Variants in CECR2 observed in about 807,000 individuals in gnomAD.
CECR2 encodes the protein chromatin remodeling regulator CECR2.
CECR2 carries 30 observed loss-of-function variants against 154.5 expected under a neutral mutation model. The ratio of observed to expected loss-of-function variants is 0.19; its 90% CI spans 0.15 to 0.26. CECR2 has a LOEUF of 0.26. Among genes scored for constraint, CECR2 ranks in the 10% least tolerant of loss-of-function variants. The pLI is 1.00. For synonymous variants in CECR2, 725 were observed against 683.7 expected (o/e 1.06, Z -0.94); for missense variants, 1,743 against 1,829.3 (o/e 0.95, Z 0.86).
At chr22:17,505,108 A>G in intron 7 of CECR2, 92 bp downstream of exon 7, 1 of 1,245,704 alleles carries the variant, frequency 8.0e-7, no homozygotes, top group Non-Finnish European at 1.1e-6. Context: ...CATACACCCC[A>G]CTGTCCTGGA....
intron 1 of CECR2, among the ~76,000 whole-genome samples, chr22:17,444,080 C>A (rs1332741954): frequency 1.3e-5 from 2 of 152,184 alleles, no homozygotes; most frequent in African/African-American, 4.8e-5. Context: ...GCTGGTCGGA[C>A]TGGCAGTGCA....
chr22:17,392,757 G>A (rs1307488983), intron 1 of CECR2, among the ~76,000 whole-genome samples: 7 of 151,858 alleles, frequency 4.6e-5, no homozygotes, highest in Non-Finnish European at 8.8e-5. Context: ...TGTTCAACAA[G>A]TAGGCCGGGC....
At chr22:17,482,252 G>A (rs975732895) in intron 2 of CECR2, among the ~76,000 whole-genome samples, 2 of 146,972 alleles carry the variant, frequency 1.4e-5, no homozygotes, top group African/African-American at 2.5e-5. Context: ...GTGAAACCCC[G>A]TCTCTACTAA....
chr22:17,492,586 A>T (rs542520784), intron 2 of CECR2, among the ~76,000 whole-genome samples: 3 of 152,244 alleles, frequency 2.0e-5, no homozygotes, highest in Admixed American at 1.3e-4. Flanking sequence ...TTTCACTCAT[A>T]GAGGGAAAAA....
At chr22:17,451,311 G>A (rs989405948) in intron 1 of CECR2, among the ~76,000 whole-genome samples, 3 of 152,170 alleles carry the variant, frequency 2.0e-5, no homozygotes, top group African/African-American at 7.2e-5. Flanking sequence ...TGGTTTGTCA[G>A]GAATTCTTTT....
chr22:17,520,030 C>T (rs746029500), intron 8 of CECR2, among the ~76,000 whole-genome samples: 1 of 152,094 alleles, frequency 6.6e-6, no homozygotes, highest in Non-Finnish European at 1.5e-5. Flanking sequence ...ACCTCATGAT[C>T]CACCCACCTT....
intron 16 of CECR2, 140 bp downstream of exon 16, chr22:17,543,143 G>GT: frequency 4.7e-6 from 5 of 1,064,094 alleles, no homozygotes; most frequent in Non-Finnish European, 5.3e-6. Context: ...GTTCTGTTTT[G>GT]TTTTTTTGAG....
At chr22:17,506,237 C>T (rs1217003181) in intron 7 of CECR2, among the ~76,000 whole-genome samples, 2 of 152,064 alleles carry the variant, frequency 1.3e-5, no homozygotes, top group South Asian at 2.1e-4. Flanking sequence ...TCTCCCAGGC[C>T]GAAGTGATCC....
intron 9 of CECR2, among the ~76,000 whole-genome samples, chr22:17,532,664 TAAGAAATTCACC>T (rs968314397): frequency 6.8e-6 from 1 of 146,170 alleles, no homozygotes; most frequent in Admixed American, 6.9e-5. Context: ...CTATTATAGC[TAAGAAATTCACC>T]AAGTAGGTAT....
chr22:17,407,509 C>T lies in CECR2; in HGVS notation c.126+37600C>T, dbSNP rs111720827. Among the ~76,000 whole-genome samples, 23 of 151,984 alleles carry T rather than the reference C, an allele frequency of 1.5e-4. 2 individuals carry two copies. The highest frequency in any genetic ancestry group is 5.1e-4 in the African/African-American group (21 of 41,468). ...ACTGGGGAGGCTGAGGCATGAGAAT[C>T]GCTTGAACCTGGGAGGCGGAGATTG... On this transcript the variant is annotated intron_variant, in intron 1 of 18. Transcript: ENST00000262608.
In CECR2 at chr22:17,555,564, G is replaced by A. The variant is rs1435817332; in HGVS notation, c.*2724G>A. On this transcript the variant is annotated 3_prime_UTR_variant, in exon 19 of 19. Coordinates refer to ENST00000262608, the MANE Select transcript of CECR2 (RefSeq NM_001290047.2). Reference sequence around the variant, plus strand: ...CCCTAGCCCACCCATCCCCAAGCAGGATCTTCTTCTCACCTTTTCTTCCTC... The same window carrying A: ...CCCTAGCCCACCCATCCCCAAGCAGAATCTTCTTCTCACCTTTTCTTCCTC... The A allele has an allele frequency of 1.3e-5, 2 of 152,204 alleles. No individual in the cohort carries two copies. The highest frequency in any genetic ancestry group is 2.9e-5 in the Non-Finnish European group (2 of 68,082). The allele number at this position is 152,204 out of a possible 1,614,324, so 9.4% of individuals were successfully genotyped here. A position where few individuals can be genotyped will look rare whatever the true frequency, so the allele number is the denominator to read the frequency against.
At position 17,499,469 on chromosome 22, in the gene CECR2, A is replaced by T. The variant is rs753135447; in HGVS notation, c.465A>T (p.Leu155=). Residue 155 remains leucine, a synonymous_variant, in exon 4 of 19, where the codon CTA becomes CTT. Coordinates refer to ENST00000262608, the MANE Select transcript of CECR2 (RefSeq NM_001290047.2). ...EPLGEDNSGA[L]YWYFYGTRMY... ...TGGGTGAAGACAATTCTGGGGCACTATATTGGTATTTCTATGGAACACGAA... is the reference window on the plus strand; with the variant it reads ...TGGGTGAAGACAATTCTGGGGCACTTTATTGGTATTTCTATGGAACACGAA... The T allele has an allele frequency of 6.2e-7, 1 of 1,613,798 alleles. No individual in the cohort carries two copies. Among genetic ancestry groups the T allele is most frequent in the Non-Finnish European group, 8.5e-7 (1 of 1,179,834 alleles).
intron 1 of CECR2, among the ~76,000 whole-genome samples, chr22:17,467,083 C>A (rs950201098): frequency 6.6e-6 from 1 of 152,234 alleles, no homozygotes. Context: ...GTCTTCCTTC[C>A]GCTGTCTAGA....
chr22:17,548,704 G>T lies in CECR2; in HGVS notation c.3417G>T (p.Leu1139=). 1.9e-6 allele frequency: 3 copies of T among 1,613,628 alleles called. No homozygotes were observed. Among genetic ancestry groups the T allele is most frequent in the Non-Finnish European group, 2.5e-6 (3 of 1,179,744 alleles). The change falls in exon 17 of 19, where the codon CTG becomes CTT. Residue 1139 remains leucine (L), a synonymous_variant. Transcript: ENST00000262608. ...SAAHYHISPG[L]QGVGPVMGGK... is the part of the protein sequence containing the mutation. ...CCCATTACCACATCAGTCCAGGCCT[G>T]CAGGGTGTGGGCCCTGTGATGGGAG... is the stretch of plus-strand genomic sequence containing the variant.
At chr22:17,512,365 A>G (rs2055972500) in intron 8 of CECR2, among the ~76,000 whole-genome samples, 1 of 152,092 alleles carries the variant, frequency 6.6e-6, no homozygotes, top group Non-Finnish European at 1.5e-5. Context: ...AGGAAATTAT[A>G]TAAATTTATA....
chr22:17,438,881 T>G (rs909940855), intron 1 of CECR2, among the ~76,000 whole-genome samples: 1 of 152,156 alleles, frequency 6.6e-6, no homozygotes, highest in Non-Finnish European at 1.5e-5. Context: ...TTTTCTTATA[T>G]TAATACTGTT....
In CECR2 at chr22:17,400,648, G is replaced by A. The variant is rs1402274622; in HGVS notation, c.126+30739G>A. On this transcript the variant is annotated intron_variant, in intron 1 of 18. Coordinates refer to ENST00000262608, the MANE Select transcript of CECR2 (RefSeq NM_001290047.2). Reference sequence around the variant, plus strand: ...AGACAGAAAGTCTGAGAAGGGCAGAGAAGAGGGAGGTCAGAGGGTTTGTTC... The same window carrying A: ...AGACAGAAAGTCTGAGAAGGGCAGAAAAGAGGGAGGTCAGAGGGTTTGTTC... Among the ~76,000 whole-genome samples, 4 of 152,228 alleles carry A rather than the reference G, an allele frequency of 2.6e-5. No individual in the cohort carries two copies. In the East Asian group the frequency reaches 5.8e-4, roughly 22 times the overall value.
intron 8 of CECR2, among the ~76,000 whole-genome samples, chr22:17,520,624 C>G (rs1345658468): frequency 6.6e-6 from 1 of 152,124 alleles, no homozygotes; most frequent in East Asian, 1.9e-4. Flanking sequence ...CCGCCCTGTG[C>G]CCAAGTGTTC....
At chr22:17,410,486 C>T (rs555726711) in intron 1 of CECR2, among the ~76,000 whole-genome samples, 2 of 151,872 alleles carry the variant, frequency 1.3e-5, no homozygotes, top group East Asian at 1.9e-4. Flanking sequence ...CTCTCTCTGT[C>T]GCCCAGGCTG....
Sources: gnomAD v4.1 joint callset for allele counts (sites outside exome capture counted in the v4.1 genomes callset) on GRCh38, gnomAD v4.1.1 for gene constraint, MANE v1.5 for transcripts, NCBI Gene and HGNC (gene_info 2026-07-23, HGNC 2026-07-21) for gene names.